ST8SIA4: variants seen among roughly 807,000 people sequenced by gnomAD.
ST8SIA4 encodes the protein ST8 alpha-N-acetyl-neuraminide alpha-2,8-sialyltransferase 4.
A neutral mutation model predicts 33.9 loss-of-function variants in ST8SIA4; 15 were observed. The ratio of observed to expected loss-of-function variants is 0.44; its 90% CI spans 0.30 to 0.68. The LOEUF (loss-of-function observed/expected upper bound fraction) is 0.68. Among genes scored for constraint, ST8SIA4 ranks in the 30% least tolerant of loss-of-function variants. ST8SIA4 has a pLI of 0.10. For synonymous variants in ST8SIA4, 171 were observed against 151.2 expected (o/e 1.13, Z -0.96); for missense variants, 321 against 428.0 (o/e 0.75, Z 2.21).
At chr5:100,825,600 C>T (rs1751124686) in intron 4 of ST8SIA4, among the ~76,000 whole-genome samples, 1 of 152,156 alleles carries the variant, frequency 6.6e-6, no homozygotes, top group African/African-American at 2.4e-5. Context: ...GCTCTTTCCA[C>T]TGCAAGAATT....
chr5:100,865,454 C>T (rs943220582), intron 3 of ST8SIA4, among the ~76,000 whole-genome samples: 2 of 152,108 alleles, frequency 1.3e-5, no homozygotes, highest in Non-Finnish European at 2.9e-5. Flanking sequence ...TCACTTCTTG[C>T]AGGAGATCAA....
chr5:100,901,845 ATCTC>A (rs143917604), intron 1 of ST8SIA4, among the ~76,000 whole-genome samples: 7 of 151,786 alleles, frequency 4.6e-5, no homozygotes, highest in African/African-American at 1.2e-4. Flanking sequence ...TAGCAGTCCC[ATCTC>A]TCTCTCTCTC....
intron 2 of ST8SIA4, among the ~76,000 whole-genome samples, chr5:100,887,231 T>G (rs898522900): frequency 6.6e-6 from 1 of 152,072 alleles, no homozygotes; most frequent in African/African-American, 2.4e-5. Context: ...AATGAATAGA[T>G]AGAACATTGG....
chr5:100,827,397 G>C (rs1230813972), intron 4 of ST8SIA4, among the ~76,000 whole-genome samples: 1 of 152,040 alleles, frequency 6.6e-6, no homozygotes, highest in Non-Finnish European at 1.5e-5. Flanking sequence ...AGAAAATTAT[G>C]CCTTCAGAAA....
At chr5:100,872,220 T>C (rs757094218) in intron 3 of ST8SIA4, among the ~76,000 whole-genome samples, 2 of 152,110 alleles carry the variant, frequency 1.3e-5, no homozygotes, top group Non-Finnish European at 2.9e-5. Flanking sequence ...GTGTTTATAA[T>C]TGACACATAA....
intron 2 of ST8SIA4, among the ~76,000 whole-genome samples, chr5:100,895,436 C>T (rs1337622447): frequency 2.0e-5 from 3 of 151,962 alleles, no homozygotes; most frequent in Non-Finnish European, 2.9e-5. Flanking sequence ...ACAATATATT[C>T]AAAACTCACA....
intron 4 of ST8SIA4, among the ~76,000 whole-genome samples, chr5:100,820,222 G>A (rs546919818): frequency 2.0e-5 from 3 of 152,194 alleles, no homozygotes; most frequent in East Asian, 1.9e-4. Context: ...TAAGGAACAC[G>A]GGAGTTCATC....
At chr5:100,850,851 G>C (rs968856030) in intron 4 of ST8SIA4, among the ~76,000 whole-genome samples, 3 of 150,654 alleles carry the variant, frequency 2.0e-5, no homozygotes, top group Non-Finnish European at 4.4e-5. Flanking sequence ...AGATGAATAA[G>C]AGTAAATATT....
At chr5:100,872,247 T>C (rs1752211153) in intron 3 of ST8SIA4, among the ~76,000 whole-genome samples, 1 of 152,112 alleles carries the variant, frequency 6.6e-6, no homozygotes, top group Non-Finnish European at 1.5e-5. Context: ...TATATATTTA[T>C]GGGGTACAGC....
At chr5:100,845,767 C>A (rs929413281) in intron 4 of ST8SIA4, among the ~76,000 whole-genome samples, 8 of 151,920 alleles carry the variant, frequency 5.3e-5, no homozygotes, top group Middle Eastern at 6.8e-3. Context: ...ACGATTTTTC[C>A]TCTATTGAAC....
intron 3 of ST8SIA4, among the ~76,000 whole-genome samples, chr5:100,879,184 A>G (rs1429801698): frequency 5.9e-5 from 9 of 152,250 alleles, no homozygotes. Context: ...ATTGGTCACT[A>G]TTTAGTTCTT....
rs371074719 is a variant in ST8SIA4 at position 100,863,269 on chromosome 5, G to A, written c.504-6873C>T. On this transcript the variant is annotated intron_variant, in intron 3 of 4. Coordinates refer to ENST00000231461, the MANE Select transcript of ST8SIA4 (RefSeq NM_005668.6). The stretch of plus-strand genomic sequence containing the variant: ...TTCTGAGATTTCCTATGATGGAAGT[G>A]TGGGAAAAAGTTAGGTAATTAATAG... Among the ~76,000 whole-genome samples the A allele has an allele frequency of 3.3e-5, 5 of 152,304 alleles. No homozygotes were observed. The South Asian group carries it at 6.2e-4, about 19-fold the overall frequency.
chr5:100,879,449 TA>T, intron 3 of ST8SIA4, among the ~76,000 whole-genome samples: 1 of 152,246 alleles, frequency 6.6e-6, no homozygotes, highest in South Asian at 2.1e-4. Flanking sequence ...AAATATAATA[TA>T]AAGGAATGTT....
At chr5:100,879,560 A>C (rs762734043) in intron 3 of ST8SIA4, among the ~76,000 whole-genome samples, 3 of 152,206 alleles carry the variant, frequency 2.0e-5, no homozygotes, top group Non-Finnish European at 4.4e-5. Flanking sequence ...AAAAGATTTC[A>C]GATGTGCACA....
chr5:100,878,297 C>T (rs528547864), intron 3 of ST8SIA4, among the ~76,000 whole-genome samples: 1 of 152,188 alleles, frequency 6.6e-6, no homozygotes, highest in South Asian at 2.1e-4. Flanking sequence ...CCTGCCTCAG[C>T]TTCCTGAGTA....
chr5:100,857,006 T>C (rs763325745), intron 3 of ST8SIA4, among the ~76,000 whole-genome samples: 2 of 152,184 alleles, frequency 1.3e-5, no homozygotes, highest in Non-Finnish European at 2.9e-5. Context: ...ATATTTAATA[T>C]GACTTTCTGG....
intron 4 of ST8SIA4, among the ~76,000 whole-genome samples, chr5:100,845,670 C>A (rs1208495694): frequency 6.6e-6 from 1 of 151,586 alleles, no homozygotes; most frequent in Non-Finnish European, 1.5e-5. Flanking sequence ...AGCAGTATAG[C>A]GCTTTGTTCT....
chr5:100,890,107 A>G (rs1027803850), intron 2 of ST8SIA4, among the ~76,000 whole-genome samples: 5 of 151,844 alleles, frequency 3.3e-5, no homozygotes, highest in African/African-American at 1.2e-4. Flanking sequence ...GATTCCATTT[A>G]TAGGATCCAA....
rs75189717 is a variant in ST8SIA4, at chr5:100,836,951, A to G, written c.797+19152T>C. ...ACTTATCGCTATTGACTTTACACATAGGAACTCTAAAGGAAGTCTAGGGAA... is the reference window on the plus strand; with the variant it reads ...ACTTATCGCTATTGACTTTACACATGGGAACTCTAAAGGAAGTCTAGGGAA... On this transcript the variant is annotated intron_variant, in intron 4 of 4. Transcript: ENST00000231461. 7.3e-3 allele frequency among the ~76,000 whole-genome samples: 1,115 copies of G among 151,788 alleles called. 10 individuals are homozygous for G. The highest frequency in any genetic ancestry group is 0.022 in the African/African-American group (897 of 41,390).
Sources: gnomAD v4.1 joint callset for allele counts (sites outside exome capture counted in the v4.1 genomes callset) on GRCh38, gnomAD v4.1.1 for gene constraint, MANE v1.5 for transcripts, NCBI Gene and HGNC (gene_info 2026-07-23, HGNC 2026-07-21) for gene names.